The following RAPGEF1 variants were observed in gnomAD, a reference collection of about 807,000 sequenced individuals.
The protein encoded by RAPGEF1 is CRK SH3-binding GNRP.
RAPGEF1 carries 33 observed loss-of-function variants against 143.3 expected under a neutral mutation model. The observed-to-expected ratio is 0.23, with a 90% CI of 0.17 to 0.31. The LOEUF (loss-of-function observed/expected upper bound fraction) is 0.31. Among genes scored for constraint, RAPGEF1 ranks in the 10% least tolerant of loss-of-function variants. The probability of loss-of-function intolerance (pLI) is 1.00; values close to 1 mark genes in which losing one functional copy is unlikely to be tolerated. For synonymous variants in RAPGEF1, 629 were observed against 676.5 expected (o/e 0.93, Z 1.09); for missense variants, 1,199 against 1,645.4 (o/e 0.73, Z 4.69).
At chr9:131,671,434 A>G (rs1831373521) in intron 1 of RAPGEF1, among the ~76,000 whole-genome samples, 1 of 152,238 alleles carries the variant, frequency 6.6e-6, no homozygotes, top group Non-Finnish European at 1.5e-5. Context: ...ACCAAGTCCC[A>G]GTTCTGGGCC....
At chr9:131,726,874 C>T (rs1205817405) in intron 1 of RAPGEF1, among the ~76,000 whole-genome samples, 18 of 151,982 alleles carry the variant, frequency 1.2e-4, no homozygotes, top group South Asian at 2.1e-4. Flanking sequence ...TGTGGTGGTA[C>T]GCACCTGTAG....
intron 12 of RAPGEF1, among the ~76,000 whole-genome samples, chr9:131,609,775 G>C (rs972934462): frequency 6.6e-6 from 1 of 152,166 alleles, no homozygotes; most frequent in African/African-American, 2.4e-5. Context: ...TTTCTCACAA[G>C]TAAAATACTT....
rs71374121 is a variant in RAPGEF1 at position 131,711,361 on chromosome 9, C to CTT, written c.61+28407_61+28408dup. Among the ~76,000 whole-genome samples, 84 of 130,310 alleles carry CTT rather than the reference C, an allele frequency of 6.4e-4. 6 individuals are homozygous for CTT. Among genetic ancestry groups the CTT allele is most frequent in the Non-Finnish European group, 9.1e-4 (56 of 61,434 alleles). The allele number at this position is 130,310 out of a possible 152,430, so 85.5% of individuals were successfully genotyped here. ...GCCACTGCACTGTGCCTATTATCAC[C>CTT]TTTTTTTTTTTTTTGAGACAGAGTC... On this transcript the variant is annotated intron_variant, in intron 1 of 26. Transcript: ENST00000683357.
intron 17 of RAPGEF1, among the ~76,000 whole-genome samples, chr9:131,593,672 C>T (rs1395264702): frequency 6.6e-6 from 1 of 152,208 alleles, no homozygotes; most frequent in African/African-American, 2.4e-5. Flanking sequence ...CACGCCTGCT[C>T]TTGCACTGGG....
intron 25 of RAPGEF1, among the ~76,000 whole-genome samples, chr9:131,580,625 T>A (rs1951720242): frequency 6.6e-6 from 1 of 151,932 alleles, no homozygotes; most frequent in Non-Finnish European, 1.5e-5. Flanking sequence ...ATGAGGAGCC[T>A]GAGGGTGATG....
chr9:131,723,512 C>T (rs1004567320), intron 1 of RAPGEF1, among the ~76,000 whole-genome samples: 2 of 152,214 alleles, frequency 1.3e-5, no homozygotes, highest in African/African-American at 4.8e-5. Flanking sequence ...ACCTCACGGT[C>T]TAGTGGAATC....
intron 4 of RAPGEF1, among the ~76,000 whole-genome samples, 158 bp downstream of exon 4, chr9:131,643,081 G>A (rs117644311): frequency 0.035 from 5,313 of 152,212 alleles, 145 homozygotes; most frequent in Non-Finnish European, 0.06. Flanking sequence ...ATGGCATCAC[G>A]GGATAGTTGT....
At chr9:131,730,522 C>T (rs1836978648) in intron 1 of RAPGEF1, among the ~76,000 whole-genome samples, 1 of 151,528 alleles carries the variant, frequency 6.6e-6, no homozygotes, top group Non-Finnish European at 1.5e-5. Flanking sequence ...TGGTGAAACC[C>T]CATCTCTACT....
intron 15 of RAPGEF1, 52 bp downstream of exon 15, chr9:131,602,009 G>A (rs1956347613): frequency 1.4e-5 from 19 of 1,399,062 alleles, no homozygotes; most frequent in Non-Finnish European, 1.9e-5. Context: ...CAGGCCTCAT[G>A]AGTGGGCGCA....
At chr9:131,677,566 T>G (rs543538154) in intron 1 of RAPGEF1, among the ~76,000 whole-genome samples, 1 of 152,224 alleles carries the variant, frequency 6.6e-6, no homozygotes, top group Non-Finnish European at 1.5e-5. Context: ...TTTTTAGCAG[T>G]CCATTTTGCT....
chr9:131,684,035 T>C (rs145405046), intron 1 of RAPGEF1, among the ~76,000 whole-genome samples: 449 of 152,350 alleles, frequency 2.9e-3, no homozygotes, highest in Admixed American at 5.2e-3. Context: ...CTAGACACTT[T>C]CACAATTTAA....
chr9:131,716,934 T>C (rs1767537244), intron 1 of RAPGEF1, among the ~76,000 whole-genome samples: 2 of 152,170 alleles, frequency 1.3e-5, no homozygotes, highest in South Asian at 4.1e-4. Flanking sequence ...ACACTGTGCA[T>C]AGCCGTGCAC....
At chr9:131,615,364 G>C (rs994335443) in intron 12 of RAPGEF1, among the ~76,000 whole-genome samples, 1 of 152,186 alleles carries the variant, frequency 6.6e-6, no homozygotes, top group Non-Finnish European at 1.5e-5. Context: ...GTGAGCCACT[G>C]CACCCAGCCG....
At chr9:131,678,681 G>A (rs1010484366) in intron 1 of RAPGEF1, among the ~76,000 whole-genome samples, 2 of 152,210 alleles carry the variant, frequency 1.3e-5, no homozygotes, top group African/African-American at 4.8e-5. Flanking sequence ...AAGTGCTGAT[G>A]ACTAAGGCCT....
intron 1 of RAPGEF1, among the ~76,000 whole-genome samples, chr9:131,676,912 T>G (rs1448748902): frequency 6.6e-6 from 1 of 151,572 alleles, no homozygotes; most frequent in Non-Finnish European, 1.5e-5. Flanking sequence ...ATGCCACACC[T>G]ACAGAAGCAG....
chr9:131,585,368 G>C (rs925620476), intron 22 of RAPGEF1, among the ~76,000 whole-genome samples: 3 of 145,818 alleles, frequency 2.1e-5, no homozygotes, highest in East Asian at 1.9e-4. Flanking sequence ...TTGTAGGGGG[G>C]GGGCGTCTCT....
At chr9:131,633,327 T>C (rs1456156855) in intron 5 of RAPGEF1, among the ~76,000 whole-genome samples, 2 of 152,144 alleles carry the variant, frequency 1.3e-5, no homozygotes, top group Admixed American at 6.5e-5. Context: ...GAAGCAGCTC[T>C]TCCTAAAAGC....
chr9:131,640,740 G>A (rs12003787), intron 4 of RAPGEF1, among the ~76,000 whole-genome samples: 10 of 152,144 alleles, frequency 6.6e-5, no homozygotes, highest in African/African-American at 2.4e-4. Context: ...GGGCCTGTTT[G>A]CAAGGACCCC....
chr9:131,614,148 C>A (rs142115825), intron 12 of RAPGEF1, among the ~76,000 whole-genome samples: 35 of 152,100 alleles, frequency 2.3e-4, no homozygotes, highest in African/African-American at 7.2e-4. Flanking sequence ...ACACCCCCCC[C>A]CAAGGAGGGG....
Sources: gnomAD v4.1 joint callset for allele counts (sites outside exome capture counted in the v4.1 genomes callset) on GRCh38, gnomAD v4.1.1 for gene constraint, MANE v1.5 for transcripts, NCBI Gene and HGNC (gene_info 2026-07-23, HGNC 2026-07-21) for gene names.